ST8SIA4: variants seen among roughly 807,000 people sequenced by gnomAD.
The protein encoded by ST8SIA4 is CMP-N-acetylneuraminate-poly-alpha-2,8-sialyltransferase.
In ST8SIA4, 15 loss-of-function variants were observed where a neutral mutation model predicts 33.9. The observed-to-expected ratio is 0.44, with a 90% CI of 0.30 to 0.68. The LOEUF is 0.68. Ranked by LOEUF, ST8SIA4 falls within the 30% of genes least tolerant of loss-of-function variation. The pLI, the probability that ST8SIA4 is intolerant of heterozygous loss-of-function variation, is 0.10. For missense variants in ST8SIA4, 321 were observed against 428.0 expected, an observed-to-expected ratio of 0.75 and a Z score of 2.21; for synonymous variants, 171 against 151.2, an observed-to-expected ratio of 1.13 and a Z score of -0.96.
chr5:100,888,382 T>C (rs947626280), intron 2 of ST8SIA4, among the ~76,000 whole-genome samples: 7 of 151,842 alleles, frequency 4.6e-5, no homozygotes, highest in East Asian at 1.9e-4. Context: ...GAACCTGGCC[T>C]ACAAAAGTCT....
At position 100,856,268 on chromosome 5, in the gene ST8SIA4, A is replaced by G; in HGVS notation, c.632T>C (p.Phe211Ser). 6.2e-7 allele frequency: 1 copy of G among 1,614,144 alleles called. No homozygotes were observed. Among genetic ancestry groups the G allele is most frequent in the Non-Finnish European group, 8.5e-7 (1 of 1,179,970 alleles). ...ATTCAGCATGGAAAGTCTATGCACA[A>G]ATTTTTCTCTGTCACTCTCATTTCG... ...GFRNESDREKFVHRLSMLNDS... is the reference protein window; with the variant it reads ...GFRNESDREKSVHRLSMLNDS... The change falls in exon 4 of 5, where the codon TTT becomes TCT. Residue 211 changes from phenylalanine to serine, a missense_variant. Transcript: ENST00000231461.
intron 2 of ST8SIA4, among the ~76,000 whole-genome samples, chr5:100,892,058 A>T (rs888365640): frequency 6.6e-6 from 1 of 152,052 alleles, no homozygotes; most frequent in African/African-American, 2.4e-5. Context: ...GAGCTGAAAT[A>T]TTTTTTCTAA....
Position 100,807,410 on chromosome 5 carries a change from T to A in ST8SIA4, c.*4437A>T, listed in dbSNP as rs1275055505. On this transcript the variant is annotated 3_prime_UTR_variant, in exon 5 of 5. Transcript: ENST00000231461. The stretch of plus-strand genomic sequence containing the variant: ...GCAATGCTATCTCTGTAAACTCTTT[T>A]TTTTTCCTGCTATTTACATTTGAAA... The A allele has an allele frequency of 3.3e-5, 5 of 152,564 alleles. No homozygotes were observed. Among genetic ancestry groups the A allele is most frequent in the South Asian group, 2.1e-4 (1 of 4,832 alleles). The allele number at this position is 152,564 out of a possible 1,614,324, so 9.5% of individuals were successfully genotyped here. A position where few individuals can be genotyped will look rare whatever the true frequency, so the allele number is the denominator to read the frequency against.
At chr5:100,859,462 A>G (rs1028355689) in intron 3 of ST8SIA4, among the ~76,000 whole-genome samples, 4 of 152,094 alleles carry the variant, frequency 2.6e-5, no homozygotes, top group African/African-American at 9.7e-5. Flanking sequence ...TGCCCATTTT[A>G]TATTTGACAT....
intron 4 of ST8SIA4, among the ~76,000 whole-genome samples, chr5:100,852,172 G>C (rs1465680676): frequency 5.4e-5 from 7 of 130,740 alleles, no homozygotes; most frequent in Non-Finnish European, 3.1e-5. Context: ...CCAGGCTGGA[G>C]TGCAGTAGCA....
chr5:100,812,751 TTAGA>T (rs1347988883), intron 4 of ST8SIA4, among the ~76,000 whole-genome samples: 2 of 152,110 alleles, frequency 1.3e-5, no homozygotes, highest in African/African-American at 2.4e-5. Flanking sequence ...TAACATTTTG[TTAGA>T]TAGATAAAAT....
chr5:100,823,838 A>G (rs1182346587), intron 4 of ST8SIA4, among the ~76,000 whole-genome samples: 1 of 152,224 alleles, frequency 6.6e-6, no homozygotes, highest in Non-Finnish European at 1.5e-5. Flanking sequence ...CATTTATTCC[A>G]TACAATTTGT....
intron 4 of ST8SIA4, among the ~76,000 whole-genome samples, chr5:100,831,482 T>C (rs188343661): frequency 6.6e-6 from 1 of 152,214 alleles, no homozygotes; most frequent in Non-Finnish European, 1.5e-5. Flanking sequence ...AGATTTTTTT[T>C]AATTCTTTTT....
At chr5:100,851,895 A>G (rs1156333973) in intron 4 of ST8SIA4, among the ~76,000 whole-genome samples, 1 of 151,984 alleles carries the variant, frequency 6.6e-6, no homozygotes, top group Non-Finnish European at 1.5e-5. Context: ...TATTTTATAA[A>G]AATGTATTTG....
intron 4 of ST8SIA4, among the ~76,000 whole-genome samples, chr5:100,823,942 A>G (rs1406978968): frequency 6.6e-6 from 1 of 152,258 alleles, no homozygotes; most frequent in Non-Finnish European, 1.5e-5. Flanking sequence ...GTTGATAGAG[A>G]TAATTAACTC....
At chr5:100,828,912 A>T (rs1580452255) in intron 4 of ST8SIA4, among the ~76,000 whole-genome samples, 1 of 152,306 alleles carries the variant, frequency 6.6e-6, no homozygotes, top group East Asian at 1.9e-4. Flanking sequence ...TAATTATTGC[A>T]GCCAGGAAAA....
intron 4 of ST8SIA4, among the ~76,000 whole-genome samples, chr5:100,854,618 C>CA (rs1056139765): frequency 2.0e-5 from 3 of 151,554 alleles, no homozygotes; most frequent in Admixed American, 6.6e-5. Context: ...ACACAAAAAA[C>CA]AAAAAAAGAA....
chr5:100,858,356 CT>C (rs1045920837), intron 3 of ST8SIA4, among the ~76,000 whole-genome samples: 5 of 151,930 alleles, frequency 3.3e-5, no homozygotes, highest in Non-Finnish European at 5.9e-5. Context: ...TCAGTAATTT[CT>C]TTTTAGAGGA....
Position 100,826,835 on chromosome 5 carries a change from GTATAT to G in ST8SIA4, c.798-14711_798-14707del, listed in dbSNP as rs1360524665. Among the ~76,000 whole-genome samples, 13 of 151,690 alleles carry G rather than the reference GTATAT, an allele frequency of 8.6e-5. No individual in the cohort carries two copies. The South Asian group carries it at 2.7e-3, about 31-fold the overall frequency. On this transcript the variant is annotated intron_variant, in intron 4 of 4. Coordinates refer to ENST00000231461, the MANE Select transcript of ST8SIA4 (RefSeq NM_005668.6). ...TATATAACATGTATAGTTATATGTT[GTATAT>G]TATATTTACATAAACAATTATATAT...
rs1396229838 is a variant in ST8SIA4, at chr5:100,812,045, T to C, written c.882A>G (p.Glu294=). The change falls in exon 5 of 5, where the codon GAA becomes GAG. Residue 294 remains glutamate (E), a synonymous_variant. Transcript: ENST00000231461. ...MYTLATRFCD[E]IHLYGFWPFP... ...AGGGCCAGAATCCATACAGGTGAATTTCATCACAGAATCTTGTGGCAAGTG... is the reference window on the plus strand; with the variant it reads ...AGGGCCAGAATCCATACAGGTGAATCTCATCACAGAATCTTGTGGCAAGTG... The C allele has an allele frequency of 3.7e-6, 6 of 1,614,014 alleles. No homozygotes were observed. The African/African-American group carries it at 6.7e-5, about 18-fold the overall frequency.
At chr5:100,858,022 T>C (rs1363686107) in intron 3 of ST8SIA4, among the ~76,000 whole-genome samples, 1 of 152,016 alleles carries the variant, frequency 6.6e-6, no homozygotes, top group Non-Finnish European at 1.5e-5. Flanking sequence ...GGTAAGAATA[T>C]TACAAACAGG....
chr5:100,829,776 T>C (rs987678566), intron 4 of ST8SIA4, among the ~76,000 whole-genome samples: 27 of 151,700 alleles, frequency 1.8e-4, no homozygotes, highest in South Asian at 4.2e-4. Context: ...GACGTGGTGG[T>C]GGGCGCCTGC....
chr5:100,836,891 A>C (rs32479), intron 4 of ST8SIA4, among the ~76,000 whole-genome samples: 34,497 of 151,742 alleles, frequency 0.23, 4,931 homozygotes, highest in Middle Eastern at 0.32. Context: ...TTGGAGACTT[A>C]CTTTCCAATT....
At chr5:100,824,266 T>A (rs1044306255) in intron 4 of ST8SIA4, among the ~76,000 whole-genome samples, 4 of 152,168 alleles carry the variant, frequency 2.6e-5, no homozygotes, top group Admixed American at 6.5e-5. Flanking sequence ...GTAATACCTG[T>A]AGAGTGCAGA....
Sources: gnomAD v4.1 joint callset for allele counts (sites outside exome capture counted in the v4.1 genomes callset) on GRCh38, gnomAD v4.1.1 for gene constraint, MANE v1.5 for transcripts, NCBI Gene and HGNC (gene_info 2026-07-23, HGNC 2026-07-21) for gene names.